Variants in SEMA6B observed in about 807,000 individuals in gnomAD.
The protein encoded by SEMA6B is semaphorin-6B.
Under a neutral mutation model 78.6 loss-of-function variants are expected in SEMA6B, and 47 were observed. The ratio of observed to expected loss-of-function variants is 0.60; its 90% confidence interval spans 0.47 to 0.76. The LOEUF (loss-of-function observed/expected upper bound fraction) is 0.76. Ranked by LOEUF, SEMA6B falls within the 30% of genes least tolerant of loss-of-function variation. The pLI is 0.00. For synonymous variants in SEMA6B, 632 were observed against 592.2 expected (o/e 1.07, Z -0.98); for missense variants, 1,213 against 1,269.9 (o/e 0.96, Z 0.68).
intron 16 of SEMA6B, among the ~76,000 whole-genome samples, chr19:4,545,247 A>AG (rs559391412): frequency 2.4e-4 from 36 of 150,070 alleles, no homozygotes; most frequent in African/African-American, 8.5e-4. Flanking sequence ...AGGCTGAGGC[A>AG]GGAGAATCAA....
intron 1 of SEMA6B, among the ~76,000 whole-genome samples, chr19:4,559,027 C>T (rs1337499154): frequency 6.6e-6 from 1 of 151,932 alleles, no homozygotes; most frequent in Non-Finnish European, 1.5e-5. Flanking sequence ...AACCCTGTCT[C>T]TACAAAAAAA....
intron 16 of SEMA6B, among the ~76,000 whole-genome samples, chr19:4,545,340 C>CA (rs552554036): frequency 0.47 from 53,010 of 113,408 alleles, 11,752 homozygotes; most frequent in East Asian, 0.87. Context: ...GACTCTGTCT[C>CA]AAAAAAAAAA....
At position 4,550,845 on chromosome 19, in the gene SEMA6B, C is replaced by T. The variant is rs761612740; in HGVS notation, c.1075G>A (p.Glu359Lys). ...EGRFREQKSP[E>K]SIWTPVPEDQ... ...TCCGGCACCGGCGTCCAGATGGACT[C>T]GGGGGACTTCTGCTCTCGGAAGCGG... Residue 359 changes from glutamate (E) to lysine (K), a missense_variant, in exon 11 of 17, where the codon GAG becomes AAG. Glu to Lys is a moderately conservative substitution (Grantham distance 56, BLOSUM62 1). Coordinates refer to ENST00000586582, the MANE Select transcript of SEMA6B (RefSeq NM_032108.4). This position sits in a 1 kb window ranked among gnomAD's most constrained non-coding sequence, Gnocchi z 6.6. 7 of 1,613,330 alleles carry T rather than the reference C, an allele frequency of 4.3e-6. No homozygotes were observed. Among genetic ancestry groups the T allele is most frequent in the South Asian group, 1.1e-5 (1 of 91,084 alleles).
Position 4,543,505 on chromosome 19 carries a change from C to T in SEMA6B, c.*96G>A. 1.8e-6 allele frequency: 1 copy of T among 546,104 alleles called. No homozygotes were observed. Among genetic ancestry groups the T allele is most frequent in the Non-Finnish European group, 2.8e-6 (1 of 362,196 alleles). The allele number at this position is 546,104 out of a possible 1,614,324, so 33.8% of individuals were successfully genotyped here. Reference sequence around the variant, plus strand: ...GTGGGTCGCGGGGGGGACTTGAGCACCCACTCGGAGTTGCCCCGGGCCCCG... The same window carrying T: ...GTGGGTCGCGGGGGGGACTTGAGCATCCACTCGGAGTTGCCCCGGGCCCCG... On this transcript the variant is annotated 3_prime_UTR_variant, in exon 17 of 17. Coordinates refer to ENST00000586582, the MANE Select transcript of SEMA6B (RefSeq NM_032108.4).
rs367747457 is a variant in SEMA6B, at chr19:4,555,980, A to G, written c.471+8T>C. On this transcript the variant is annotated splice_region_variant and intron_variant, in intron 6 of 16. Transcript: ENST00000586582. This position sits in a 1 kb window ranked among gnomAD's most constrained non-coding sequence, Gnocchi z 6.1. ...TGGACCTGGGGCGCAGGGAGTCTGA[A>G]GACTCACGCTGTAGTTGGCGCACAC... 3.1e-6 allele frequency: 5 copies of G among 1,610,864 alleles called. No homozygotes were observed. Among genetic ancestry groups the G allele is most frequent in the Non-Finnish European group, 4.2e-6 (5 of 1,177,228 alleles).
rs372805482 is a variant in SEMA6B at position 4,546,459 on chromosome 19, C to G, written c.1612G>C (p.Gly538Arg). 3.2e-6 allele frequency: 5 copies of G among 1,564,846 alleles called. No individual in the cohort carries two copies. The highest frequency in any genetic ancestry group is 1.2e-5 in the South Asian group (1 of 85,106). Residue 538 changes from glycine (G) to arginine (R), a missense_variant, in exon 15 of 17, where the codon GGC becomes CGC. By Grantham distance (125) the Gly-to-Arg change is moderately radical (BLOSUM62 -2). Coordinates refer to ENST00000586582, the MANE Select transcript of SEMA6B (RefSeq NM_032108.4). Reference protein sequence around the residue: ...QYSGCMKNCIGSQDPYCGWAP... With the variant: ...QYSGCMKNCIRSQDPYCGWAP... Reference sequence around the variant, plus strand: ...CACCCGCAGTAGGGGTCCTGACTGCCGATACAGTTCCTAGAGCAGACCAGG... The same window carrying G: ...CACCCGCAGTAGGGGTCCTGACTGCGGATACAGTTCCTAGAGCAGACCAGG...
Position 4,555,033 on chromosome 19 carries a change from T to C in SEMA6B, c.625A>G (p.Ser209Gly). 3 of 1,614,040 alleles carry C rather than the reference T, an allele frequency of 1.9e-6. No homozygotes were observed. Among genetic ancestry groups the C allele is most frequent in the Non-Finnish European group, 2.5e-6 (3 of 1,179,992 alleles). Residue 209 changes from serine to glycine, a missense_variant, in exon 8 of 17, where the codon AGC (serine) becomes GGC (glycine). Physicochemically the swap from Ser to Gly is moderately conservative, Grantham distance 56. Transcript: ENST00000586582. This position sits in a 1 kb window ranked among gnomAD's most constrained non-coding sequence, Gnocchi z 6.1. ...FLAIDAVIYRSLGDRPTLRTV... is the reference protein window; with the variant it reads ...FLAIDAVIYRGLGDRPTLRTV... ...CGCAGGGTGGGCCTGTCCCCGAGGC[T>C]GCGGTAGATGACAGCATCAATGGCT...
Position 4,552,368 on chromosome 19 carries a change from C to G in SEMA6B, c.989+54G>C, listed in dbSNP as rs1354059782. 6.6e-7 allele frequency: 1 copy of G among 1,509,818 alleles called. No homozygotes were observed. The highest frequency in any genetic ancestry group is 1.2e-5 in the South Asian group (1 of 80,752). The allele number at this position is 1,509,818 out of a possible 1,614,324, so 93.5% of individuals were successfully genotyped here. On this transcript the variant is annotated intron_variant, in intron 10 of 16. Transcript: ENST00000586582. This position sits in a 1 kb window ranked among gnomAD's most constrained non-coding sequence, Gnocchi z 7.4. The stretch of plus-strand genomic sequence containing the variant: ...TACCTGAGGAGTGAATACAGGCCCT[C>G]TCTACCCATGCCCACCAAATGCTCC...
Position 4,543,905 on chromosome 19 carries a change from G to A in SEMA6B, c.2363C>T (p.Pro788Leu), listed in dbSNP as rs1304773079. Residue 788 changes from proline (P) to leucine (L), a missense_variant, in exon 17 of 17, where the codon CCG becomes CTG. Transcript: ENST00000586582. ...RPGRASHGDF[P>L]LTPHASPDRR... ...GTCCGGGCTGGCGTGGGGGGTGAGC[G>A]GGAAGTCGCCGTGGGAGGCGCGGCC... 3.3e-6 allele frequency: 4 copies of A among 1,203,528 alleles called. No homozygotes were observed. The highest frequency in any genetic ancestry group is 4.1e-6 in the Non-Finnish European group (4 of 970,092). The allele number at this position is 1,203,528 out of a possible 1,614,324, so 74.6% of individuals were successfully genotyped here.
At chr19:4,556,358 A>G (rs1244358680) in intron 5 of SEMA6B, among the ~76,000 whole-genome samples, 1 of 152,010 alleles carries the variant, frequency 6.6e-6, no homozygotes, top group Non-Finnish European at 1.5e-5. Flanking sequence ...GGGATGGAGG[A>G]GAAGGATCCG....
chr19:4,554,341 G>T (rs373250051), intron 9 of SEMA6B, 47 bp downstream of exon 9: 11 of 1,459,052 alleles, frequency 7.5e-6, no homozygotes, highest in Non-Finnish European at 9.6e-6. Flanking sequence ...CCCTCACTTC[G>T]CATGATCAGA....
At chr19:4,556,920 AG>A in intron 5 of SEMA6B, 30 bp downstream of exon 5, 1 of 1,601,218 alleles carries the variant, frequency 6.2e-7, no homozygotes, top group Non-Finnish European at 8.5e-7. Flanking sequence ...GCTGATTCGC[AG>A]GGGCCGGGAC....
Position 4,552,588 on chromosome 19 carries a change from G to C in SEMA6B, c.823C>G (p.Pro275Ala). The change falls in exon 10 of 17, where the codon CCC becomes GCC. Residue 275 changes from proline to alanine, a missense_variant. Pro to Ala is a conservative substitution (Grantham distance 27, BLOSUM62 -1). Transcript: ENST00000586582. The surrounding 1 kb of genome is among the most constrained non-coding windows in gnomAD (Gnocchi z 7.4). ...GTCCACTGCTTCTCCAGCACGCGGG[G>C]GGAGCCTCCCACGTCGTTCTTGCAC... ...RVCKNDVGGS[P>A]RVLEKQWTSF... 6.2e-7 allele frequency: 1 copy of C among 1,612,698 alleles called. No homozygotes were observed.
At chr19:4,557,961 CCTCT>C in intron 3 of SEMA6B, 61 bp downstream of exon 3, 3 of 1,262,944 alleles carry the variant, frequency 2.4e-6, no homozygotes, top group Admixed American at 3.7e-5. Context: ...GCCCTCGCCT[CCTCT>C]CTCTCTCCCC....
At position 4,550,292 on chromosome 19, in the gene SEMA6B, G is replaced by A. The variant is rs764052742; in HGVS notation, c.1122-20C>T. The A allele has an allele frequency of 1.2e-6, 2 of 1,613,176 alleles. No individual in the cohort carries two copies. Among genetic ancestry groups the A allele is most frequent in the Admixed American group, 1.7e-5 (1 of 60,000 alleles). On this transcript the variant is annotated intron_variant, in intron 11 of 16. Coordinates refer to ENST00000586582, the MANE Select transcript of SEMA6B (RefSeq NM_032108.4). This position sits in a 1 kb window ranked among gnomAD's most constrained non-coding sequence, Gnocchi z 6.6. The stretch of plus-strand genomic sequence containing the variant: ...CCGGGCCTGGGGGTGACAAGGGTGT[G>A]GTCAGGACGAACGTAAAGGTTCTCA...
At chr19:4,554,849 A>G in intron 8 of SEMA6B, 127 bp downstream of exon 8, 1 of 1,211,600 alleles carries the variant, frequency 8.3e-7, no homozygotes, top group Admixed American at 2.3e-5. Context: ...AGGCCAACAG[A>G]TTCCAAAGAT....
Position 4,555,615 on chromosome 19 carries a change from GC to G in SEMA6B, c.472-52del. 1 of 1,478,038 alleles carries G rather than the reference GC, an allele frequency of 6.8e-7. No homozygotes were observed. The highest frequency in any genetic ancestry group is 1.2e-5 in the South Asian group (1 of 86,862). 91.6% of individuals were successfully genotyped at this position (1,478,038 alleles called of 1,614,324 possible). ...ACAGATCTCCTGACCCCACCTAGCA[GC>G]CCCTGGCTCCCTCAGCCCCCCACTC... On this transcript the variant is annotated intron_variant, in intron 6 of 16. Transcript: ENST00000586582. The surrounding 1 kb of genome is among the most constrained non-coding windows in gnomAD (Gnocchi z 6.1).
Position 4,543,504 on chromosome 19 carries a change from A to G in SEMA6B, c.*97T>C. Reference sequence around the variant, plus strand: ...GGTGGGTCGCGGGGGGGACTTGAGCACCCACTCGGAGTTGCCCCGGGCCCC... The same window carrying G: ...GGTGGGTCGCGGGGGGGACTTGAGCGCCCACTCGGAGTTGCCCCGGGCCCC... On this transcript the variant is annotated 3_prime_UTR_variant, in exon 17 of 17. Coordinates refer to ENST00000586582, the MANE Select transcript of SEMA6B (RefSeq NM_032108.4). 1.9e-6 allele frequency: 1 copy of G among 523,270 alleles called. No homozygotes were observed. The highest frequency in any genetic ancestry group is 2.9e-6 in the Non-Finnish European group (1 of 342,334). The allele number at this position is 523,270 out of a possible 1,614,324, so 32.4% of individuals were successfully genotyped here.
At position 4,552,735 on chromosome 19, in the gene SEMA6B, G is replaced by T; in HGVS notation, c.772-96C>A. ...ACTCACCACCCAAACTGTGATGGAGGAGTCTGACCCTGGCTCTGGTGGGAC... is the reference window on the plus strand; with the variant it reads ...ACTCACCACCCAAACTGTGATGGAGTAGTCTGACCCTGGCTCTGGTGGGAC... On this transcript the variant is annotated intron_variant, in intron 9 of 16. Transcript: ENST00000586582. The surrounding 1 kb of genome is among the most constrained non-coding windows in gnomAD (Gnocchi z 7.4). The T allele has an allele frequency of 8.2e-7, 1 of 1,213,908 alleles. No homozygotes were observed. The highest frequency in any genetic ancestry group is 2.5e-5 in the Admixed American group (1 of 39,520). The allele number at this position is 1,213,908 out of a possible 1,614,324, so 75.2% of individuals were successfully genotyped here. A position where few individuals can be genotyped will look rare whatever the true frequency, so the allele number is the denominator to read the frequency against.
Sources: gnomAD v4.1 joint callset for allele counts (sites outside exome capture counted in the v4.1 genomes callset) on GRCh38, gnomAD v4.1.1 for gene constraint, Gnocchi (gnomAD v3.1) non-coding constraint, MANE v1.5 for transcripts, NCBI Gene and HGNC (gene_info 2026-07-23, HGNC 2026-07-21) for gene names.